Variants in ZNF268 observed in about 807,000 individuals in gnomAD.
ZNF268 encodes zinc finger protein 3.
ZNF268 carries 20 observed loss-of-function variants against 29.3 expected under a neutral mutation model. The ratio of observed to expected loss-of-function variants is 0.68; its 90% CI spans 0.48 to 0.99. The LOEUF (loss-of-function observed/expected upper bound fraction) is 0.99. Among genes scored for constraint, ZNF268 ranks in the 50% least tolerant of loss-of-function variants. The pLI, the probability that ZNF268 is intolerant of heterozygous loss-of-function variation, is 0.00. For missense variants in ZNF268, 1,240 were observed against 1,121.6 expected (o/e 1.11, Z -1.51); for synonymous variants, 429 against 376.9 (o/e 1.14, Z -1.60).
intron 5 of ZNF268, among the ~76,000 whole-genome samples, chr12:133,201,788 T>A (rs1052900438): frequency 1.3e-5 from 2 of 152,112 alleles, no homozygotes; most frequent in African/African-American, 2.4e-5. Flanking sequence ...TGTTCATAGA[T>A]CCCTAATGAC....
In ZNF268 at chr12:133,196,023, TAA is replaced by T. The variant is rs760775058; in HGVS notation, c.457+4037_457+4038del. 1.7e-3 allele frequency among the ~76,000 whole-genome samples: 206 copies of T among 120,366 alleles called. 2 individuals carry two copies. The highest frequency in any genetic ancestry group is 4.7e-3 in the African/African-American group (157 of 33,084). 79.0% of individuals were successfully genotyped at this position (120,366 alleles called of 152,430 possible). On this transcript the variant is annotated intron_variant, in intron 5 of 5. Coordinates refer to ENST00000536435, the MANE Select transcript of ZNF268 (RefSeq NM_003415.3). ...CTATGCCCGGCCAACCCTGTCTCTT[TAA>T]AAAAAAAAAAAAAAAAGGCCAGGTG...
At chr12:133,188,191 C>A in intron 3 of ZNF268, 119 bp downstream of exon 3, 4 of 919,746 alleles carry the variant, frequency 4.3e-6, no homozygotes, top group Non-Finnish European at 6.4e-6. Context: ...CAGTTCAGTT[C>A]AAAACCCCCC....
intron 5 of ZNF268, among the ~76,000 whole-genome samples, chr12:133,197,647 C>G (rs1335691325): frequency 6.6e-6 from 1 of 152,204 alleles, no homozygotes; most frequent in Non-Finnish European, 1.5e-5. Flanking sequence ...AGTTTACAGT[C>G]CCACCAACAG....
In ZNF268 at chr12:133,204,779, C is replaced by CT. The variant is rs1566388836; in HGVS notation, c.*256dup. The CT allele has an allele frequency of 1.3e-5, 5 of 389,432 alleles. No homozygotes were observed. Among genetic ancestry groups the CT allele is most frequent in the Middle Eastern group, 6.9e-4 (1 of 1,446 alleles). The allele number at this position is 389,432 out of a possible 1,614,324, so 24.1% of individuals were successfully genotyped here. ...GAAAATTTTTAGCAGCAAGTCATAC[C>CT]TTTTTTTAAAAAGTTCATACAGGTG... is the stretch of plus-strand genomic sequence containing the variant. On this transcript the variant is annotated 3_prime_UTR_variant, in exon 6 of 6. Coordinates refer to ENST00000536435, the MANE Select transcript of ZNF268 (RefSeq NM_003415.3).
rs1956909015 is a variant in ZNF268 at position 133,206,945 on chromosome 12, G to A, written c.*2415G>A. 6.6e-6 allele frequency: 1 copy of A among 152,206 alleles called. No individual in the cohort carries two copies. The highest frequency in any genetic ancestry group is 6.5e-5 in the Admixed American group (1 of 15,278). 9.4% of individuals were successfully genotyped at this position (152,206 alleles called of 1,614,324 possible). A position where few individuals can be genotyped will look rare whatever the true frequency, so the allele number is the denominator to read the frequency against. On this transcript the variant is annotated 3_prime_UTR_variant, in exon 6 of 6. Coordinates refer to ENST00000536435, the MANE Select transcript of ZNF268 (RefSeq NM_003415.3). ...TATATTCAGTTTACTACTACCTAGG[G>A]TTAGATTTTAGTTTGTTGTTTTTTC...
chr12:133,198,801 T>C (rs1266119384), intron 5 of ZNF268, among the ~76,000 whole-genome samples: 1 of 149,286 alleles, frequency 6.7e-6, no homozygotes, highest in Non-Finnish European at 1.5e-5. Flanking sequence ...GAAGCAATTG[T>C]GAATGGGAGT....
At position 133,207,729 on chromosome 12, in the gene ZNF268, A is replaced by G. The variant is rs1174579263; in HGVS notation, c.*3199A>G. 6.6e-6 allele frequency: 1 copy of G among 152,180 alleles called. No individual in the cohort carries two copies. Among genetic ancestry groups the G allele is most frequent in the Non-Finnish European group, 1.5e-5 (1 of 68,036 alleles). The allele number at this position is 152,180 out of a possible 1,614,324, so 9.4% of individuals were successfully genotyped here. ...AGGCTGGGACGGGAGAATCACTTGAATCTAGGAGGCGGAAGTTGCAGTGAG... is the reference window on the plus strand; with the variant it reads ...AGGCTGGGACGGGAGAATCACTTGAGTCTAGGAGGCGGAAGTTGCAGTGAG... On this transcript the variant is annotated 3_prime_UTR_variant, in exon 6 of 6. Transcript: ENST00000536435.
intron 2 of ZNF268, 69 bp from the exon 3 acceptor site, chr12:133,187,803 G>C: frequency 7.0e-7 from 1 of 1,428,536 alleles, no homozygotes. Flanking sequence ...TTTATGTGAT[G>C]TGACCCCTAT....
chr12:133,193,180 C>A (rs562680339), intron 5 of ZNF268, among the ~76,000 whole-genome samples: 1 of 152,094 alleles, frequency 6.6e-6, no homozygotes, highest in Non-Finnish European at 1.5e-5. Context: ...AAAAGACTTA[C>A]GCATTAGCTG....
Position 133,204,432 on chromosome 12 carries a change from GGA to G in ZNF268, c.2751_2752del (p.Lys918AlafsTer3). 1 of 1,565,674 alleles carries G rather than the reference GGA, an allele frequency of 6.4e-7. No homozygotes were observed. The highest frequency in any genetic ancestry group is 8.6e-7 in the Non-Finnish European group (1 of 1,160,960). On this transcript the variant is annotated frameshift_variant, in exon 6 of 6. Coordinates refer to ENST00000536435, the MANE Select transcript of ZNF268 (RefSeq NM_003415.3). LOFTEE classifies it high-confidence loss of function. ...CAGTGCACATCAGAGAACACATACAGGAGAGAAGCCTTGTAAGTGCACTGAAT... is the reference window on the plus strand; with the variant it reads ...CAGTGCACATCAGAGAACACATACAGGAGAAGCCTTGTAAGTGCACTGAAT... ...ILSAHQRTHT[G>X]EKPCKCTECG... is the part of the protein sequence containing the mutation.
At chr12:133,200,059 CCTT>C (rs2135516323) in intron 5 of ZNF268, among the ~76,000 whole-genome samples, 1 of 152,160 alleles carries the variant, frequency 6.6e-6, no homozygotes, top group African/African-American at 2.4e-5. Context: ...TTATTTCTTG[CCTT>C]CTTCTAGCTT....
At chr12:133,187,008 G>C (rs1257141849) in intron 2 of ZNF268, among the ~76,000 whole-genome samples, 1 of 152,160 alleles carries the variant, frequency 6.6e-6, no homozygotes, top group Non-Finnish European at 1.5e-5. Flanking sequence ...CATAGAGGTT[G>C]TTCGCTCCCT....
rs1426806962 is a variant in ZNF268, at chr12:133,184,426, G to A, written c.33+2396G>A. On this transcript the variant is annotated intron_variant, in intron 2 of 5. Coordinates refer to ENST00000536435, the MANE Select transcript of ZNF268 (RefSeq NM_003415.3). ...GGCTCTGCTCTCTGCTTTCAAGATG[G>A]CACTTTCTTGCTACATCCTTACATG... Among the ~76,000 whole-genome samples the A allele has an allele frequency of 2.0e-5, 3 of 152,018 alleles. No homozygotes were observed. The East Asian group carries it at 5.8e-4, about 29-fold the overall frequency.
intron 5 of ZNF268, among the ~76,000 whole-genome samples, chr12:133,200,819 A>T (rs1593918059): frequency 6.6e-6 from 1 of 152,196 alleles, no homozygotes; most frequent in Middle Eastern, 3.4e-3. Flanking sequence ...ATTTCTAAAT[A>T]ACCAGCTTAT....
chr12:133,183,121 T>C lies in ZNF268; in HGVS notation c.33+1091T>C, dbSNP rs141688475. Among the ~76,000 whole-genome samples, 604 of 152,284 alleles carry C rather than the reference T, an allele frequency of 4.0e-3. 7 individuals are homozygous for C. Among genetic ancestry groups the C allele is most frequent in the African/African-American group, 0.014 (585 of 41,532 alleles). On this transcript the variant is annotated intron_variant, in intron 2 of 5. Coordinates refer to ENST00000536435, the MANE Select transcript of ZNF268 (RefSeq NM_003415.3). The stretch of plus-strand genomic sequence containing the variant: ...CTTATGGGACTCTAATGCCTGATGA[T>C]CTGAAGTGGAACAGTTTCATCCAGA...
rs1956909581 is a variant in ZNF268 at position 133,206,969 on chromosome 12, T to C, written c.*2439T>C. 1 of 152,260 alleles carries C rather than the reference T, an allele frequency of 6.6e-6. No homozygotes were observed. Among genetic ancestry groups the C allele is most frequent in the Admixed American group, 6.5e-5 (1 of 15,288 alleles). 9.4% of individuals were successfully genotyped at this position (152,260 alleles called of 1,614,324 possible). Reference sequence around the variant, plus strand: ...GGTTAGATTTTAGTTTGTTGTTTTTTCAGATGCAAATCTACATGCAGCCTT... The same window carrying C: ...GGTTAGATTTTAGTTTGTTGTTTTTCCAGATGCAAATCTACATGCAGCCTT... On this transcript the variant is annotated 3_prime_UTR_variant, in exon 6 of 6. Transcript: ENST00000536435.
At chr12:133,189,990 A>G (rs1956425361) in intron 3 of ZNF268, among the ~76,000 whole-genome samples, 1 of 133,068 alleles carries the variant, frequency 7.5e-6, no homozygotes, top group Non-Finnish European at 1.7e-5. Flanking sequence ...TTGTATTTTT[A>G]GTAGAGACGA....
chr12:133,188,108 T>G (rs1423877769), intron 3 of ZNF268, 36 bp downstream of exon 3: 2 of 1,494,562 alleles, frequency 1.3e-6, no homozygotes, highest in African/African-American at 3.4e-5. Context: ...AGTGTTTTCT[T>G]TATTACCTTT....
chr12:133,196,969 T>C (rs1305525596), intron 5 of ZNF268, among the ~76,000 whole-genome samples: 2 of 151,940 alleles, frequency 1.3e-5, no homozygotes, highest in East Asian at 3.8e-4. Context: ...TCTTTTTTTT[T>C]TAATATTAAT....
Sources: gnomAD v4.1 joint callset for allele counts (sites outside exome capture counted in the v4.1 genomes callset) on GRCh38, gnomAD v4.1.1 for gene constraint, MANE v1.5 for transcripts, NCBI Gene and HGNC (gene_info 2026-07-23, HGNC 2026-07-21) for gene names.